The following ZNF695 variants were observed in gnomAD, a reference collection of about 807,000 sequenced individuals.
The protein encoded by ZNF695 is zinc finger protein 695.
ZNF695 carries 11 observed loss-of-function variants against 11.2 expected under a neutral mutation model. The ratio of observed to expected loss-of-function variants is 0.98; its 90% CI spans 0.62 to 1.62. The LOEUF (loss-of-function observed/expected upper bound fraction) is 1.62, where lower values mean the gene tolerates loss of function less well. Ranked by LOEUF, ZNF695 falls within the 40% of genes most tolerant of loss-of-function variation. The pLI is 0.00. For synonymous variants in ZNF695, 190 were observed against 201.4 expected, an observed-to-expected ratio of 0.94 and a Z score of 0.48; for missense variants, 559 against 590.5, an observed-to-expected ratio of 0.95 and a Z score of 0.55.
At chr1:246,981,174 ATGAGGTATCACCTC>A (rs1355560415), downstream of ZNF695, among the ~76,000 whole-genome samples, 5 of 152,390 alleles carry the variant, frequency 3.3e-5, no homozygotes, top group Admixed American at 2.0e-4. Flanking sequence ...CAGAACTGCT[ATGAGGTATCACCTC>A]ACTCTTGTTA....
intron 3 of ZNF695, among the ~76,000 whole-genome samples, chr1:246,989,078 A>G (rs1201840604): frequency 1.5e-5 from 2 of 136,854 alleles, no homozygotes; most frequent in Non-Finnish European, 1.5e-5. Flanking sequence ...TGGGCAACAG[A>G]GCGAGACTCC....
chr1:246,973,891 C>A (rs1021465597), intron 4 of ZNF695, among the ~76,000 whole-genome samples: 20 of 152,266 alleles, frequency 1.3e-4, no homozygotes, highest in African/African-American at 4.8e-4. Flanking sequence ...GATGTGAATT[C>A]CCTTTTATTA....
intron 5 of ZNF695, among the ~76,000 whole-genome samples, chr1:246,959,303 AAAAAAAAATATATATATATATATATAT>A (rs1558304410): frequency 7.2e-5 from 5 of 69,348 alleles, no homozygotes; most frequent in African/African-American, 2.7e-4. Context: ...AAAAAAAAAA[AAAAAAAAATATATATATATATATATAT>A]ATATATATAT....
At chr1:246,985,292 A>ATAGTCC, downstream of ZNF695, 1 of 984,582 alleles carries the variant, frequency 1.0e-6, no homozygotes, top group Non-Finnish European at 1.2e-6. Flanking sequence ...AATTTTGTGA[A>ATAGTCC]TAGTCCTTCA....
At chr1:246,978,291 ATAAT>A (rs1193599046) in intron 4 of ZNF695, among the ~76,000 whole-genome samples, 4 of 152,266 alleles carry the variant, frequency 2.6e-5, no homozygotes, top group African/African-American at 7.2e-5. Flanking sequence ...CTTTAGAGGT[ATAAT>A]TAAACAGCTG....
intron 5 of ZNF695, among the ~76,000 whole-genome samples, chr1:246,948,480 C>T (rs1023625625): frequency 2.0e-5 from 3 of 152,116 alleles, no homozygotes; most frequent in Admixed American, 6.6e-5. Context: ...AAATGAGCCA[C>T]GCCACTCAAC....
intron 1 of ZNF695, among the ~76,000 whole-genome samples, 175 bp downstream of exon 1, chr1:247,007,731 G>C (rs576029604): frequency 2.0e-5 from 3 of 152,002 alleles, no homozygotes; most frequent in Non-Finnish European, 4.4e-5. Flanking sequence ...CTGCCGGCCC[G>C]GCCCCCACCT....
At chr1:246,960,160 A>T (rs1437889556) in intron 5 of ZNF695, among the ~76,000 whole-genome samples, 1 of 152,204 alleles carries the variant, frequency 6.6e-6, no homozygotes, top group Non-Finnish European at 1.5e-5. Context: ...CCACGTCATT[A>T]TTTAAGGAAA....
chr1:246,945,759 C>T (rs767466574), exon 6 of ZNF695: 1 of 1,550,124 alleles, frequency 6.5e-7, no homozygotes, highest in Non-Finnish European at 8.7e-7. Context: ...GGAGTCCAGG[C>T]ACTGTGTTCA....
intron 5 of ZNF695, among the ~76,000 whole-genome samples, chr1:246,957,760 A>G (rs928697750): frequency 5.2e-4 from 79 of 151,660 alleles, no homozygotes; most frequent in African/African-American, 1.8e-3. Context: ...TAGCCTCCCC[A>G]GTAGCTGGGA....
chr1:246,947,651 C>G (rs761424385), intron 5 of ZNF695, among the ~76,000 whole-genome samples: 6 of 124,882 alleles, frequency 4.8e-5, no homozygotes, highest in Admixed American at 8.9e-5. Flanking sequence ...TTCCATGCAT[C>G]TCAACCACAC....
At chr1:246,968,605 C>T (rs1302291475) in intron 4 of ZNF695, 1 of 152,290 alleles carries the variant, frequency 6.6e-6, no homozygotes, top group African/African-American at 2.4e-5. Flanking sequence ...CATATTTCCC[C>T]TCCACAGTAC....
chr1:246,997,696 A>C (rs1669252002), intron 3 of ZNF695, among the ~76,000 whole-genome samples: 1 of 152,234 alleles, frequency 6.6e-6, no homozygotes, highest in Admixed American at 6.5e-5. Flanking sequence ...TGGATAAAGA[A>C]AATGTTTTAC....
intron 5 of ZNF695, among the ~76,000 whole-genome samples, chr1:246,955,569 T>C (rs1667975071): frequency 1.3e-5 from 2 of 152,350 alleles, no homozygotes; most frequent in East Asian, 1.9e-4. Context: ...GATCTCTTCA[T>C]TGAGCTTGTA....
exon 6 of ZNF695, chr1:246,945,722 C>A: frequency 1.3e-6 from 2 of 1,497,320 alleles, no homozygotes; most frequent in East Asian, 4.9e-5. Flanking sequence ...GCAGCTGGAC[C>A]CGGTGTAAAT....
chr1:246,953,503 C>T (rs1274929991), intron 5 of ZNF695, among the ~76,000 whole-genome samples: 4 of 151,746 alleles, frequency 2.6e-5, no homozygotes, highest in African/African-American at 9.7e-5. Flanking sequence ...CCCAGCTACT[C>T]GGGAGGCTGA....
At chr1:246,973,553 C>G (rs1668482262) in intron 4 of ZNF695, among the ~76,000 whole-genome samples, 1 of 152,130 alleles carries the variant, frequency 6.6e-6, no homozygotes, top group Non-Finnish European at 1.5e-5. Flanking sequence ...CTTTCTGATC[C>G]TTGATTTAAC....
At chr1:246,976,175 C>A (rs931220423) in intron 4 of ZNF695, among the ~76,000 whole-genome samples, 1 of 152,180 alleles carries the variant, frequency 6.6e-6, no homozygotes. Context: ...TGCATCCTCA[C>A]ACATAAAAAA....
intron 5 of ZNF695, among the ~76,000 whole-genome samples, chr1:246,950,884 T>C (rs548876445): frequency 6.6e-6 from 1 of 152,228 alleles, no homozygotes; most frequent in South Asian, 2.1e-4. Context: ...AGTAAACTTG[T>C]AAAACAGTAG....
Sources: gnomAD v4.1 joint callset for allele counts (sites outside exome capture counted in the v4.1 genomes callset) on GRCh38, gnomAD v4.1.1 for gene constraint, MANE v1.5 for transcripts, NCBI Gene and HGNC (gene_info 2026-07-23, HGNC 2026-07-21) for gene names.